MAP3K5: variants seen among roughly 807,000 people sequenced by gnomAD.
The protein encoded by MAP3K5 is mitogen-activated protein kinase kinase kinase 5.
MAP3K5 carries 56 observed loss-of-function variants against 158.7 expected under a neutral mutation model. The observed-to-expected ratio is 0.35, with a 90% confidence interval of 0.28 to 0.44. MAP3K5 has a LOEUF of 0.44. MAP3K5 is among the 20% of genes least tolerant of loss of function. MAP3K5 has a pLI of 1.00. For synonymous variants in MAP3K5, 579 were observed against 601.7 expected (o/e 0.96, Z 0.55); for missense variants, 1,294 against 1,674.8 (o/e 0.77, Z 3.97).
chr6:136,745,056 G>T (rs1782874169), intron 1 of MAP3K5, among the ~76,000 whole-genome samples: 2 of 151,934 alleles, frequency 1.3e-5, no homozygotes, highest in African/African-American at 4.8e-5. Context: ...ATGAAGACCA[G>T]TGTAAGTGGT....
intron 1 of MAP3K5, among the ~76,000 whole-genome samples, chr6:136,745,080 A>T (rs899295427): frequency 6.6e-6 from 1 of 152,062 alleles, no homozygotes; most frequent in African/African-American, 2.4e-5. Flanking sequence ...TGGCTGGAAC[A>T]TAATGTTTCC....
chr6:136,781,305 T>C (rs77296058), intron 1 of MAP3K5, among the ~76,000 whole-genome samples: 13,201 of 152,246 alleles, frequency 0.087, 1,168 homozygotes, highest in African/African-American at 0.23. Flanking sequence ...GGCTCCCTTG[T>C]TGACACTGAT....
At chr6:136,597,157 T>C (rs1413078841) in intron 21 of MAP3K5, among the ~76,000 whole-genome samples, 4 of 152,120 alleles carry the variant, frequency 2.6e-5, no homozygotes, top group Admixed American at 2.6e-4. Context: ...CTCATTGCCT[T>C]ATTTCAGGGG....
At chr6:136,728,581 T>C (rs546291790) in intron 1 of MAP3K5, among the ~76,000 whole-genome samples, 7 of 152,344 alleles carry the variant, frequency 4.6e-5, no homozygotes, top group African/African-American at 1.7e-4. Flanking sequence ...TCTTGTGTGT[T>C]ATTTGGTTAA....
intron 1 of MAP3K5, among the ~76,000 whole-genome samples, chr6:136,778,891 G>A (rs1462568069): frequency 1.3e-5 from 2 of 152,210 alleles, no homozygotes; most frequent in Non-Finnish European, 2.9e-5. Flanking sequence ...CGGGTGCAGT[G>A]GCTCACGCCT....
chr6:136,649,744 C>T (rs1778434451), intron 11 of MAP3K5, among the ~76,000 whole-genome samples: 2 of 152,208 alleles, frequency 1.3e-5, no homozygotes, highest in African/African-American at 4.8e-5. Flanking sequence ...TTTGTTGTTA[C>T]TGTAGTTAAG....
chr6:136,678,184 A>G (rs565380579), intron 7 of MAP3K5, among the ~76,000 whole-genome samples: 28 of 152,194 alleles, frequency 1.8e-4, no homozygotes, highest in African/African-American at 6.7e-4. Context: ...AAGGGAGTTG[A>G]ATTAAACAGG....
At chr6:136,745,996 A>G (rs1725884002) in intron 1 of MAP3K5, among the ~76,000 whole-genome samples, 1 of 152,192 alleles carries the variant, frequency 6.6e-6, no homozygotes, top group African/African-American at 2.4e-5. Flanking sequence ...CATAGCCTGG[A>G]AACAGGGTCA....
chr6:136,792,820 C>G (rs1363466283), upstream of MAP3K5, among the ~76,000 whole-genome samples: 3 of 152,190 alleles, frequency 2.0e-5, no homozygotes, highest in East Asian at 5.8e-4. The surrounding 1 kb of genome is among the most constrained non-coding windows in gnomAD (Gnocchi z 5.7). Context: ...CCAGCCTCGT[C>G]GTTCCTTGCA....
Position 136,671,509 on chromosome 6 carries a change from T to A in MAP3K5, c.1254-2114A>T, listed in dbSNP as rs200869536. On this transcript the variant is annotated intron_variant, in intron 7 of 29. Coordinates refer to ENST00000359015, the MANE Select transcript of MAP3K5 (RefSeq NM_005923.4). ...GAAAGAAATAAAATCCTGGCATATA[T>A]CATTAGTATACCACTGCAGGAAGTG... Among the ~76,000 whole-genome samples, 3 of 152,194 alleles carry A rather than the reference T, an allele frequency of 2.0e-5. No individual in the cohort carries two copies. The East Asian group carries it at 5.8e-4, about 29-fold the overall frequency.
chr6:136,591,365 C>T (rs1322228129), intron 23 of MAP3K5, among the ~76,000 whole-genome samples: 2 of 152,232 alleles, frequency 1.3e-5, no homozygotes, highest in Non-Finnish European at 1.5e-5. Context: ...AGTGTCCTTT[C>T]CAGGGCGGGT....
chr6:136,789,951 G>A (rs1447012963), intron 1 of MAP3K5, among the ~76,000 whole-genome samples: 2 of 151,794 alleles, frequency 1.3e-5, no homozygotes, highest in East Asian at 1.9e-4. Flanking sequence ...CTTGGCCTCC[G>A]AAAGTGCTGG....
chr6:136,622,094 A>C (rs984483142), intron 15 of MAP3K5, among the ~76,000 whole-genome samples: 1 of 151,940 alleles, frequency 6.6e-6, no homozygotes, highest in Admixed American at 6.6e-5. Flanking sequence ...TCAAAAAAAA[A>C]AAAAAAAGAA....
chr6:136,729,315 T>C (rs1782105524), intron 1 of MAP3K5, among the ~76,000 whole-genome samples: 2 of 151,842 alleles, frequency 1.3e-5, no homozygotes, highest in African/African-American at 2.4e-5. Context: ...GTTGTGTTTC[T>C]GGATGGATGA....
At chr6:136,777,219 T>G (rs1784433935) in intron 1 of MAP3K5, among the ~76,000 whole-genome samples, 1 of 152,198 alleles carries the variant, frequency 6.6e-6, no homozygotes, top group African/African-American at 2.4e-5. Flanking sequence ...TGCAATAATA[T>G]ACACACGCTA....
At chr6:136,593,771 C>T (rs1164237750) in intron 21 of MAP3K5, 4 of 390,232 alleles carry the variant, frequency 1.0e-5, no homozygotes, top group Admixed American at 3.6e-5. Context: ...ATCAAACACA[C>T]ATCCTAATGC....
intron 7 of MAP3K5, among the ~76,000 whole-genome samples, chr6:136,693,051 T>G (rs1366143784): frequency 6.6e-6 from 1 of 152,236 alleles, no homozygotes; most frequent in African/African-American, 2.4e-5. Flanking sequence ...TTTTCATATT[T>G]TGGTATTTAA....
At position 136,605,332 on chromosome 6, in the gene MAP3K5, A is replaced by G; in HGVS notation, c.2556T>C (p.Asp852=). The stretch of plus-strand genomic sequence containing the variant: ...CTTTTCCGTAGCCTCTTGGTCCTTT[A>G]TCTATTATTTCTGGTGCCATATACT... ...TLQYMAPEII[D]KGPRGYGKAA... Residue 852 remains aspartate (D), a synonymous_variant, in exon 19 of 30, where the codon GAT becomes GAC. Coordinates refer to ENST00000359015, the MANE Select transcript of MAP3K5 (RefSeq NM_005923.4). 6.2e-7 allele frequency: 1 copy of G among 1,613,996 alleles called. No individual in the cohort carries two copies. Among genetic ancestry groups the G allele is most frequent in the Non-Finnish European group, 8.5e-7 (1 of 1,179,934 alleles).
At chr6:136,730,153 G>A (rs1254374031) in intron 1 of MAP3K5, among the ~76,000 whole-genome samples, 6 of 133,396 alleles carry the variant, frequency 4.5e-5, no homozygotes, top group African/African-American at 1.9e-4. Context: ...TTGTTTGGTT[G>A]TTTTTTTTTT....
Sources: gnomAD v4.1 joint callset for allele counts (sites outside exome capture counted in the v4.1 genomes callset) on GRCh38, gnomAD v4.1.1 for gene constraint, Gnocchi (gnomAD v3.1) non-coding constraint, MANE v1.5 for transcripts, NCBI Gene and HGNC (gene_info 2026-07-23, HGNC 2026-07-21) for gene names.